FSTL5: variants seen among roughly 807,000 people sequenced by gnomAD.
FSTL5 encodes follistatin like 5.
FSTL5 carries 62 observed loss-of-function variants against 89.1 expected under a neutral mutation model. The observed-to-expected ratio is 0.70, with a 90% CI of 0.57 to 0.86. The LOEUF (loss-of-function observed/expected upper bound fraction) is 0.86. FSTL5 is among the 40% of genes least tolerant of loss of function. The probability of loss-of-function intolerance (pLI) is 0.00; values close to 1 mark genes in which losing one functional copy is unlikely to be tolerated. For synonymous variants in FSTL5, 383 were observed against 346.2 expected (o/e 1.11, Z -1.18); for missense variants, 1,057 against 1,001.6 (o/e 1.06, Z -0.75).
At chr4:161,705,954 A>AGATGTGTG (rs1560800183) in intron 6 of FSTL5, among the ~76,000 whole-genome samples, 30 of 27,318 alleles carry the variant, frequency 1.1e-3, no homozygotes, top group African/African-American at 5.9e-3. Context: ...AGATGTGTGT[A>AGATGTGTG]TATATATATA....
At chr4:161,483,315 T>C (rs1208067855) in intron 12 of FSTL5, among the ~76,000 whole-genome samples, 1 of 152,234 alleles carries the variant, frequency 6.6e-6, no homozygotes, top group African/African-American at 2.4e-5. Context: ...AGGCTCTGAA[T>C]ACAGGGAAAT....
intron 4 of FSTL5, among the ~76,000 whole-genome samples, chr4:161,868,993 A>G (rs1392394915): frequency 6.6e-6 from 1 of 152,102 alleles, no homozygotes; most frequent in African/African-American, 2.4e-5. Flanking sequence ...AGAACGAGAG[A>G]GGCGGATCAC....
rs561992909 is a variant in FSTL5, at chr4:161,950,284, T to C, written c.161-29632A>G. On this transcript the variant is annotated intron_variant, in intron 3 of 15. Transcript: ENST00000306100. ...TGTTTTAACATGGGAGACTTAACTCTTACCTATTTTAATTCCTGAGGAATT... is the reference window on the plus strand; with the variant it reads ...TGTTTTAACATGGGAGACTTAACTCCTACCTATTTTAATTCCTGAGGAATT... Among the ~76,000 whole-genome samples, 9 of 152,300 alleles carry C rather than the reference T, an allele frequency of 5.9e-5. No individual in the cohort carries two copies. In the South Asian group the frequency reaches 1.4e-3, roughly 25 times the overall value.
At chr4:161,816,778 C>T (rs1347648952) in intron 4 of FSTL5, among the ~76,000 whole-genome samples, 1 of 152,174 alleles carries the variant, frequency 6.6e-6, no homozygotes, top group Non-Finnish European at 1.5e-5. Flanking sequence ...AGGGCAATAA[C>T]TGGTCTCCAG....
rs1345797106 is a variant in FSTL5 at position 161,831,007 on chromosome 4, T to C, written c.410-54933A>G. 3.9e-5 allele frequency among the ~76,000 whole-genome samples: 6 copies of C among 151,910 alleles called. No individual in the cohort carries two copies. The East Asian group carries it at 1.2e-3, about 29-fold the overall frequency. The stretch of plus-strand genomic sequence containing the variant: ...GAATACTTGAAAATCACAACTCAAA[T>C]GTTCTCCTAGAAGCTTAAATGAAAC... On this transcript the variant is annotated intron_variant, in intron 4 of 15. Coordinates refer to ENST00000306100, the MANE Select transcript of FSTL5 (RefSeq NM_020116.5).
intron 3 of FSTL5, among the ~76,000 whole-genome samples, chr4:161,935,967 G>A (rs1173113434): frequency 6.6e-6 from 1 of 152,184 alleles, no homozygotes; most frequent in Non-Finnish European, 1.5e-5. Context: ...AGTGTCACCT[G>A]AGGTCAGGAG....
intron 6 of FSTL5, among the ~76,000 whole-genome samples, chr4:161,671,887 T>C (rs2126698899): frequency 6.6e-6 from 1 of 152,234 alleles, no homozygotes; most frequent in South Asian, 2.1e-4. Context: ...TATCATTCCT[T>C]CTCTCTTCTT....
rs10604800 is a variant in FSTL5, at chr4:162,029,166, AGTGTGT to A, written c.160+4453_160+4458del. The stretch of plus-strand genomic sequence containing the variant: ...ATGAGGGAGAGAGAGAGAGAGAGAG[AGTGTGT>A]GTGTGTGTGTGTGTGCGTGTGTGTG... On this transcript the variant is annotated intron_variant, in intron 3 of 15. Transcript: ENST00000306100. 2.0e-3 allele frequency among the ~76,000 whole-genome samples: 236 copies of A among 120,668 alleles called. 1 individual carries two copies. The highest frequency in any genetic ancestry group is 6.0e-3 in the African/African-American group (225 of 37,434). 79.2% of individuals were successfully genotyped at this position (120,668 alleles called of 152,430 possible).
chr4:162,007,880 C>T (rs1012016592), intron 3 of FSTL5, among the ~76,000 whole-genome samples: 2 of 151,664 alleles, frequency 1.3e-5, no homozygotes, highest in Non-Finnish European at 3.0e-5. Flanking sequence ...CATATATATA[C>T]AGTGAAAACT....
At chr4:162,014,889 AATAAG>A (rs757955037) in intron 3 of FSTL5, among the ~76,000 whole-genome samples, 21 of 152,206 alleles carry the variant, frequency 1.4e-4, no homozygotes, top group Non-Finnish European at 2.6e-4. Context: ...AAAGCAAGAA[AATAAG>A]ATAAGTTCTT....
intron 4 of FSTL5, among the ~76,000 whole-genome samples, chr4:161,831,520 C>CCA (rs1553969334): frequency 6.6e-6 from 1 of 150,462 alleles, no homozygotes; most frequent in Non-Finnish European, 1.5e-5. Context: ...TGTTTTGTTA[C>CCA]AAAAAAAAGC....
chr4:162,094,784 T>C (rs1730684604), intron 2 of FSTL5, among the ~76,000 whole-genome samples: 1 of 152,134 alleles, frequency 6.6e-6, no homozygotes, highest in Non-Finnish European at 1.5e-5. Flanking sequence ...ACAGGAGATA[T>C]TTTGTGTCAT....
chr4:162,046,996 A>G (rs1738207295), intron 2 of FSTL5, among the ~76,000 whole-genome samples: 1 of 152,118 alleles, frequency 6.6e-6, no homozygotes, highest in Admixed American at 6.5e-5. Context: ...ACAGACAACA[A>G]ATAAATAAGA....
At chr4:162,033,965 A>ACC (rs1191588947) in intron 2 of FSTL5, among the ~76,000 whole-genome samples, 3 of 152,032 alleles carry the variant, frequency 2.0e-5, no homozygotes, top group African/African-American at 4.8e-5. Context: ...TGCCAGGCTA[A>ACC]TATCTTTTTT....
At chr4:161,942,842 G>A (rs1734626729) in intron 3 of FSTL5, among the ~76,000 whole-genome samples, 2 of 152,022 alleles carry the variant, frequency 1.3e-5, no homozygotes, top group Admixed American at 1.3e-4. Context: ...ATTGGGAGAG[G>A]GAAGGCATAA....
intron 15 of FSTL5, among the ~76,000 whole-genome samples, chr4:161,401,653 T>C (rs1041289027): frequency 6.6e-6 from 1 of 152,142 alleles, no homozygotes; most frequent in Non-Finnish European, 1.5e-5. Context: ...GCCTCCATAG[T>C]AGCTGGGACT....
intron 6 of FSTL5, among the ~76,000 whole-genome samples, chr4:161,739,990 T>G (rs1739950585): frequency 1.3e-5 from 2 of 150,172 alleles, no homozygotes; most frequent in South Asian, 4.4e-4. Context: ...CAAAATAGGA[T>G]AGTATCTATT....
chr4:161,625,997 A>G (rs1735304401), intron 7 of FSTL5, among the ~76,000 whole-genome samples: 1 of 152,078 alleles, frequency 6.6e-6, no homozygotes, highest in Non-Finnish European at 1.5e-5. Context: ...GAAAATTTGG[A>G]AGCTTTTCTT....
intron 2 of FSTL5, among the ~76,000 whole-genome samples, chr4:162,062,728 A>T (rs547246722): frequency 9.9e-5 from 15 of 151,360 alleles, no homozygotes; most frequent in South Asian, 8.3e-4. Flanking sequence ...GAATGTTAAA[A>T]ATATATATAT....
Sources: gnomAD v4.1 joint callset for allele counts (sites outside exome capture counted in the v4.1 genomes callset) on GRCh38, gnomAD v4.1.1 for gene constraint, MANE v1.5 for transcripts, NCBI Gene and HGNC (gene_info 2026-07-23, HGNC 2026-07-21) for gene names.